CDH12: variants seen among roughly 807,000 people sequenced by gnomAD.
CDH12 encodes cadherin 12.
In CDH12, 41 loss-of-function variants were observed where a neutral mutation model predicts 74.1. The observed-to-expected ratio is 0.55, with a 90% CI of 0.43 to 0.72. The LOEUF (loss-of-function observed/expected upper bound fraction) is 0.72, where lower values mean the gene tolerates loss of function less well. Among genes scored for constraint, CDH12 ranks in the 30% least tolerant of loss-of-function variants. The probability of loss-of-function intolerance (pLI) is 0.00; values close to 1 mark genes in which losing one functional copy is unlikely to be tolerated. For synonymous variants in CDH12, 399 were observed against 355.0 expected (o/e 1.12, Z -1.39); for missense variants, 945 against 977.2 (o/e 0.97, Z 0.44).
chr5:22,198,349 T>C (rs1174431389), intron 4 of CDH12, among the ~76,000 whole-genome samples: 1 of 151,992 alleles, frequency 6.6e-6, no homozygotes, highest in Non-Finnish European at 1.5e-5. Flanking sequence ...AGATTTATTT[T>C]ACACACCAAA....
intron 5 of CDH12, among the ~76,000 whole-genome samples, chr5:22,019,626 G>A (rs1314376056): frequency 3.3e-5 from 5 of 152,090 alleles, no homozygotes; most frequent in African/African-American, 7.2e-5. Context: ...AAGGGCCCTC[G>A]CCATGAACCA....
At position 21,751,742 on chromosome 5, in the gene CDH12, T is replaced by G. The variant is rs1310853900; in HGVS notation, c.2380A>C (p.Thr794Pro). ...TTTTAGCCTCCACGACTCCCTTAAG[T>G]GACTTTATCAGGGTTATAACTCTCT... ...EEESYNPDKV[T>P] The change falls in exon 15 of 15, where the codon ACT becomes CCT. Residue 794 changes from threonine (T) to proline (P), a missense_variant. By Grantham distance (38) the Thr-to-Pro change is conservative. Around this residue, in one of 3 missense-constraint regions of CDH12, gnomAD observed 791 missense variants for 792.8 expected, o/e 1.00. Coordinates refer to ENST00000382254, the MANE Select transcript of CDH12 (RefSeq NM_004061.5). 1 of 1,609,494 alleles carries G rather than the reference T, an allele frequency of 6.2e-7. No individual in the cohort carries two copies. Among genetic ancestry groups the G allele is most frequent in the African/African-American group, 1.3e-5 (1 of 74,664 alleles).
At chr5:21,950,865 C>A (rs1300978867) in intron 6 of CDH12, among the ~76,000 whole-genome samples, 1 of 150,780 alleles carries the variant, frequency 6.6e-6, no homozygotes, top group Non-Finnish European at 1.5e-5. Context: ...AACCTCACTG[C>A]AAGCTCCACC....
chr5:22,239,993 T>C (rs1295580007), intron 3 of CDH12, among the ~76,000 whole-genome samples: 1 of 152,184 alleles, frequency 6.6e-6, no homozygotes, highest in Non-Finnish European at 1.5e-5. Context: ...TATATTCTCT[T>C]CCTTAGTATA....
chr5:22,261,655 C>A (rs1228943418), intron 3 of CDH12, among the ~76,000 whole-genome samples: 2 of 152,004 alleles, frequency 1.3e-5, no homozygotes, highest in African/African-American at 4.8e-5. Flanking sequence ...AAATCAAACA[C>A]TGGAGAAAAG....
chr5:22,322,803 C>T (rs1382640819), intron 3 of CDH12, among the ~76,000 whole-genome samples: 1 of 152,102 alleles, frequency 6.6e-6, no homozygotes, highest in Non-Finnish European at 1.5e-5. Flanking sequence ...TTTTTGATCT[C>T]GCCCACTGAA....
chr5:21,761,777 A>AGATG (rs1744740307), intron 12 of CDH12, among the ~76,000 whole-genome samples: 1 of 152,026 alleles, frequency 6.6e-6, no homozygotes, highest in East Asian at 1.9e-4. Flanking sequence ...ATAGATAGAT[A>AGATG]GATAGATGAT....
intron 4 of CDH12, among the ~76,000 whole-genome samples, chr5:22,169,198 C>CTT (rs372132613): frequency 1.1e-4 from 17 of 150,280 alleles, no homozygotes; most frequent in South Asian, 2.1e-4. Flanking sequence ...GTCTTTCTGT[C>CTT]TTTTTTTTTC....
intron 3 of CDH12, among the ~76,000 whole-genome samples, chr5:22,224,835 T>C (rs1752139752): frequency 6.6e-6 from 1 of 151,826 alleles, no homozygotes; most frequent in Non-Finnish European, 1.5e-5. Context: ...AAAATTATTA[T>C]AACAAACTTA....
intron 1 of CDH12, among the ~76,000 whole-genome samples, chr5:22,746,277 G>A (rs1442380199): frequency 6.6e-6 from 1 of 152,128 alleles, no homozygotes; most frequent in East Asian, 1.9e-4. Context: ...CTGTTTGGAG[G>A]TTTCCAATTA....
At chr5:22,750,957 A>G (rs1036718565) in intron 1 of CDH12, among the ~76,000 whole-genome samples, 1 of 151,810 alleles carries the variant, frequency 6.6e-6, no homozygotes, top group African/African-American at 2.4e-5. Context: ...TAGGGAGAGA[A>G]AAAATGAGAA....
intron 4 of CDH12, among the ~76,000 whole-genome samples, chr5:22,116,499 G>T (rs2150267368): frequency 1.3e-5 from 2 of 152,280 alleles, no homozygotes; most frequent in Middle Eastern, 6.8e-3. Context: ...TAGCTACTCA[G>T]GTGGCTGAGG....
intron 3 of CDH12, among the ~76,000 whole-genome samples, chr5:22,230,791 T>C (rs1324948143): frequency 6.6e-6 from 1 of 152,086 alleles, no homozygotes; most frequent in African/African-American, 2.4e-5. Flanking sequence ...ATCTCCAAGA[T>C]GATGCATGGA....
chr5:22,510,361 A>C lies in CDH12; in HGVS notation c.-522-4997T>G, dbSNP rs114276577. On this transcript the variant is annotated intron_variant, in intron 1 of 14. Coordinates refer to ENST00000382254, the MANE Select transcript of CDH12 (RefSeq NM_004061.5). Reference sequence around the variant, plus strand: ...AAAATTACCCTATCCGATATAAAAAAATTGTTATAAAAATATGGAAAAAAA... The same window carrying C: ...AAAATTACCCTATCCGATATAAAAACATTGTTATAAAAATATGGAAAAAAA... Among the ~76,000 whole-genome samples, 1,224 of 152,290 alleles carry C rather than the reference A, an allele frequency of 8.0e-3. 15 individuals carry two copies. Among genetic ancestry groups the C allele is most frequent in the African/African-American group, 0.028 (1,183 of 41,550 alleles).
At chr5:22,126,628 A>G (rs1382007772) in intron 4 of CDH12, among the ~76,000 whole-genome samples, 1 of 152,208 alleles carries the variant, frequency 6.6e-6, no homozygotes, top group Non-Finnish European at 1.5e-5. Context: ...ATTCTATTTG[A>G]GTATTTGCTC....
At chr5:21,789,758 A>C (rs1746390228) in intron 10 of CDH12, among the ~76,000 whole-genome samples, 1 of 152,142 alleles carries the variant, frequency 6.6e-6, no homozygotes, top group Admixed American at 6.6e-5. Flanking sequence ...ATTATTATGT[A>C]GATGTTGGAA....
chr5:22,013,716 T>C lies in CDH12; in HGVS notation c.232-38331A>G, dbSNP rs188471149. The stretch of plus-strand genomic sequence containing the variant: ...AAAGCAGTTTTAAAAACCCTGGTTA[T>C]AGGATCCTATGAGACAAGCCTTAAA... On this transcript the variant is annotated intron_variant, in intron 5 of 14. Transcript: ENST00000382254. Among the ~76,000 whole-genome samples the C allele has an allele frequency of 3.2e-3, 486 of 152,302 alleles. 2 individuals are homozygous for C. The highest frequency in any genetic ancestry group is 0.011 in the African/African-American group (451 of 41,582).
intron 1 of CDH12, among the ~76,000 whole-genome samples, chr5:22,798,685 T>G (rs1021620216): frequency 6.6e-6 from 1 of 152,194 alleles, no homozygotes; most frequent in Admixed American, 6.5e-5. Flanking sequence ...TACAAGATTA[T>G]GCATTGGTAG....
intron 7 of CDH12, among the ~76,000 whole-genome samples, chr5:21,849,067 T>A (rs1166649310): frequency 2.0e-5 from 3 of 151,932 alleles, no homozygotes; most frequent in African/African-American, 7.2e-5. Context: ...ACTCACAATC[T>A]AATGAGTTAT....
Sources: gnomAD v4.1 joint callset for allele counts (sites outside exome capture counted in the v4.1 genomes callset) on GRCh38, gnomAD v4.1.1 for gene constraint, gnomAD v4.1.1 regional missense constraint, MANE v1.5 for transcripts, NCBI Gene and HGNC (gene_info 2026-07-23, HGNC 2026-07-21) for gene names.